The following FANCC variants were observed in gnomAD, a reference collection of about 807,000 sequenced individuals.
FANCC encodes the protein FA complementation group C.
FANCC carries 55 observed loss-of-function variants against 71.3 expected under a neutral mutation model. The ratio of observed to expected loss-of-function variants is 0.77; its 90% CI spans 0.62 to 0.97. The LOEUF (loss-of-function observed/expected upper bound fraction) is 0.97. Ranked by LOEUF, FANCC falls within the 50% of genes least tolerant of loss-of-function variation. The probability of loss-of-function intolerance (pLI) is 0.00; values close to 1 mark genes in which losing one functional copy is unlikely to be tolerated. For missense variants in FANCC, 678 were observed against 670.9 expected (o/e 1.01, Z -0.12); for synonymous variants, 275 against 244.9 (o/e 1.12, Z -1.15).
intron 4 of FANCC, among the ~76,000 whole-genome samples, chr9:95,174,412 A>C (rs553863397): frequency 1.1e-3 from 163 of 152,158 alleles, no homozygotes; most frequent in African/African-American, 3.8e-3. Flanking sequence ...GTTTCAACAC[A>C]TGAATTTTAG....
intron 2 of FANCC, among the ~76,000 whole-genome samples, chr9:95,248,731 G>C (rs1289401524): frequency 6.6e-6 from 1 of 151,840 alleles, no homozygotes; most frequent in Admixed American, 6.6e-5. Flanking sequence ...ATTATAAGAA[G>C]AGATCTTAAT....
At chr9:95,148,040 T>TG in intron 7 of FANCC, among the ~76,000 whole-genome samples, 1 of 152,198 alleles carries the variant, frequency 6.6e-6, no homozygotes. Context: ...AAAGCAACAG[T>TG]GGGTAACACA....
chr9:95,294,022 T>C (rs1834225735), intron 1 of FANCC: 3 of 1,596,716 alleles, frequency 1.9e-6, no homozygotes, highest in African/African-American at 2.7e-5. Flanking sequence ...GATTGAGAAA[T>C]GTGCACCAAT....
In FANCC at chr9:95,147,013, TTAGA is replaced by T. The variant is rs1829661466; in HGVS notation, c.686+2906_686+2909del. 2.0e-5 allele frequency among the ~76,000 whole-genome samples: 3 copies of T among 150,786 alleles called. No homozygotes were observed. The South Asian group carries it at 6.2e-4, about 31-fold the overall frequency. On this transcript the variant is annotated intron_variant, in intron 7 of 14. Transcript: ENST00000289081. Reference sequence around the variant, plus strand: ...ATCTAAGTTATTTTAGATAATTTTATTAGATATATATTTGTATGTATATATACAG... The same window carrying T: ...ATCTAAGTTATTTTAGATAATTTTATTATATATTTGTATGTATATATACAG...
At chr9:95,150,301 T>G (rs1232165707) in intron 6 of FANCC, among the ~76,000 whole-genome samples, 1 of 152,242 alleles carries the variant, frequency 6.6e-6, no homozygotes. Flanking sequence ...GTGTCATTCA[T>G]GGTCAGGACT....
rs1000036037 is a variant in FANCC at position 95,170,707 on chromosome 9, C to T, written c.521+372G>A. On this transcript the variant is annotated intron_variant, in intron 6 of 14. Coordinates refer to ENST00000289081, the MANE Select transcript of FANCC (RefSeq NM_000136.3). ...GGAGCAGAAGAAGGCAGAGCCAGGG[C>T]AGGCTAGTGTGAGAGCATACACTTG... 4.5e-5 allele frequency among the ~76,000 whole-genome samples: 6 copies of T among 134,058 alleles called. No homozygotes were observed. In the Admixed American group the frequency reaches 4.6e-4, roughly 10 times the overall value. 87.9% of individuals were successfully genotyped at this position (134,058 alleles called of 152,430 possible).
intron 4 of FANCC, 152 bp downstream of exon 4, chr9:95,240,497 C>T (rs1830572097): frequency 1.6e-6 from 1 of 620,422 alleles, no homozygotes; most frequent in Middle Eastern, 3.2e-4. Context: ...ACTTTTTACT[C>T]AGCAAGATAA....
chr9:95,107,793 C>G (rs1482043235), intron 13 of FANCC, among the ~76,000 whole-genome samples: 1 of 152,176 alleles, frequency 6.6e-6, no homozygotes, highest in East Asian at 1.9e-4. Flanking sequence ...CACATGCATG[C>G]ACACACAAGA....
chr9:95,120,416 CTTTTT>C (rs1011870014), intron 10 of FANCC, among the ~76,000 whole-genome samples: 8 of 138,618 alleles, frequency 5.8e-5, no homozygotes, highest in Admixed American at 2.2e-4. Flanking sequence ...CTTTTAAAAT[CTTTTT>C]TTTTTTTTTT....
chr9:95,220,171 C>A (rs1242574745), intron 4 of FANCC, among the ~76,000 whole-genome samples: 3 of 152,170 alleles, frequency 2.0e-5, no homozygotes, highest in African/African-American at 4.8e-5. Context: ...CAATGAGATA[C>A]CATCTCACAC....
chr9:95,293,375 C>T lies in FANCC; in HGVS notation c.-79+24151G>A, dbSNP rs911328243. The T allele has an allele frequency of 5.7e-6, 9 of 1,589,974 alleles. No homozygotes were observed. In the Admixed American group the frequency reaches 1.4e-4, roughly 25 times the overall value. On this transcript the variant is annotated intron_variant, in intron 1 of 14. Coordinates refer to ENST00000289081, the MANE Select transcript of FANCC (RefSeq NM_000136.3). Reference sequence around the variant, plus strand: ...AGGGGCTGTGCACTTACTGCCTGCCCTTGTCAGTAGGAACCCTGATCCTCG... The same window carrying T: ...AGGGGCTGTGCACTTACTGCCTGCCTTTGTCAGTAGGAACCCTGATCCTCG...
intron 4 of FANCC, among the ~76,000 whole-genome samples, chr9:95,232,824 A>T (rs1162559845): frequency 6.6e-6 from 1 of 152,220 alleles, no homozygotes; most frequent in Non-Finnish European, 1.5e-5. Context: ...CTCCATTTCC[A>T]GAGACGCTCT....
chr9:95,220,237 T>C (rs1829149682), intron 4 of FANCC, among the ~76,000 whole-genome samples: 1 of 152,134 alleles, frequency 6.6e-6, no homozygotes, highest in Non-Finnish European at 1.5e-5. Flanking sequence ...GGAGAGGATG[T>C]GGAGAAATAG....
intron 7 of FANCC, among the ~76,000 whole-genome samples, chr9:95,149,482 ATT>A (rs59214891): frequency 1.4e-5 from 2 of 146,648 alleles, no homozygotes; most frequent in Admixed American, 6.8e-5. Context: ...ATCCTCAGTA[ATT>A]TTTTTTTTTT....
At chr9:95,107,514 C>CT (rs1564642237) in intron 13 of FANCC, 4 of 582,712 alleles carry the variant, frequency 6.9e-6, no homozygotes, top group South Asian at 2.0e-5. Context: ...AGGAACTGAC[C>CT]TTTTTTTGTA....
At chr9:95,243,200 T>C (rs1354408413) in intron 3 of FANCC, among the ~76,000 whole-genome samples, 2 of 152,162 alleles carry the variant, frequency 1.3e-5, no homozygotes, top group East Asian at 3.9e-4. Flanking sequence ...TAGTGAATAG[T>C]GAAGAAGAGA....
intron 4 of FANCC, among the ~76,000 whole-genome samples, chr9:95,193,440 A>G (rs1827232793): frequency 6.6e-6 from 1 of 152,180 alleles, no homozygotes; most frequent in Admixed American, 6.5e-5. Flanking sequence ...TGGTAACAGG[A>G]GCCGTGGGTG....
At chr9:95,288,505 G>A (rs1833820577) in intron 1 of FANCC, among the ~76,000 whole-genome samples, 1 of 152,182 alleles carries the variant, frequency 6.6e-6, no homozygotes, top group African/African-American at 2.4e-5. Flanking sequence ...TTTAATACAA[G>A]TGTCCATGGT....
rs1834086912 is a variant in FANCC, at chr9:95,292,384, C to T, written c.-79+25142G>A. 6 of 1,028,052 alleles carry T rather than the reference C, an allele frequency of 5.8e-6. No individual in the cohort carries two copies. The African/African-American group carries it at 8.7e-5, about 15-fold the overall frequency. 63.7% of individuals were successfully genotyped at this position (1,028,052 alleles called of 1,614,324 possible). On this transcript the variant is annotated intron_variant, in intron 1 of 14. Coordinates refer to ENST00000289081, the MANE Select transcript of FANCC (RefSeq NM_000136.3). ...GCGGCGGCGGGGTCCACGGCTCTGG[C>T]GGCGGGTGCCCGCGCCGTCCCGGCG...
Sources: gnomAD v4.1 joint callset for allele counts (sites outside exome capture counted in the v4.1 genomes callset) on GRCh38, gnomAD v4.1.1 for gene constraint, MANE v1.5 for transcripts, NCBI Gene and HGNC (gene_info 2026-07-23, HGNC 2026-07-21) for gene names.